TOP1MT: variants seen among roughly 807,000 people sequenced by gnomAD.
The protein encoded by TOP1MT is DNA topoisomerase I, mitochondrial.
In TOP1MT, 80 loss-of-function variants were observed where a neutral mutation model predicts 73.9. The observed-to-expected ratio is 1.08, with a 90% CI of 0.90 to 1.30. TOP1MT has a LOEUF of 1.30. Ranked by LOEUF, TOP1MT falls within the 50% of genes most tolerant of loss-of-function variation. The probability of loss-of-function intolerance (pLI) is 0.00; values close to 1 mark genes in which losing one functional copy is unlikely to be tolerated. For missense variants in TOP1MT, 815 were observed against 808.0 expected (o/e 1.01, Z -0.10); for synonymous variants, 338 against 326.4 (o/e 1.04, Z -0.38).
chr8:143,317,905 A>T (rs758902841), intron 9 of TOP1MT, 68 bp from the exon 10 acceptor site: 2 of 1,596,328 alleles, frequency 1.3e-6, no homozygotes, highest in Non-Finnish European at 1.7e-6. Context: ...CGCGGGAAGG[A>T]AAGGACATGT....
In TOP1MT at chr8:143,324,605, C is replaced by A. The variant is rs750427879; in HGVS notation, c.696G>T (p.Pro232=). ...GCACCTCCTTCCACTGGTGCCCCGCCGGCGGCTCGGGGATCTTCGAGTCCC... is the reference window on the plus strand; with the variant it reads ...GCACCTCCTTCCACTGGTGCCCCGCAGGCGGCTCGGGGATCTTCGAGTCCC... ...CSRDSKIPEP[P]AGHQWKEVRS... is the part of the protein sequence containing the mutation. The change falls in exon 6 of 14, where the codon CCG becomes CCT. Residue 232 remains proline (P), a synonymous_variant. Transcript: ENST00000329245. 117 of 1,613,420 alleles carry A rather than the reference C, an allele frequency of 7.3e-5. No homozygotes were observed. The Admixed American group carries it at 9.8e-4, about 14-fold the overall frequency.
chr8:143,318,822 G>A lies in TOP1MT; in HGVS notation c.1147-736C>T, dbSNP rs1021246014. Among the ~76,000 whole-genome samples, 6 of 152,124 alleles carry A rather than the reference G, an allele frequency of 3.9e-5. 1 individual carries two copies. The highest frequency in any genetic ancestry group is 3.9e-4 in the Admixed American group (6 of 15,280). On this transcript the variant is annotated intron_variant, in intron 8 of 13. Transcript: ENST00000329245. ...TACAAACCCACAGGCACCGGGACATGGCGGGAAGCCCCAGCCCACAGCTCC... is the reference window on the plus strand; with the variant it reads ...TACAAACCCACAGGCACCGGGACATAGCGGGAAGCCCCAGCCCACAGCTCC...
upstream of TOP1MT, among the ~76,000 whole-genome samples, chr8:143,336,911 C>T (rs901643695): frequency 1.3e-5 from 2 of 152,184 alleles, no homozygotes; most frequent in African/African-American, 2.4e-5. Context: ...AATATGCAAA[C>T]ATCAGTTGTA....
At chr8:143,347,897 G>A (rs1586784461), upstream of TOP1MT, among the ~76,000 whole-genome samples, 1 of 152,352 alleles carries the variant, frequency 6.6e-6, no homozygotes, top group African/African-American at 2.4e-5. Context: ...CTGGAGCTCA[G>A]CAGGCTCCTC....
intron 3 of TOP1MT, among the ~76,000 whole-genome samples, 180 bp downstream of exon 3, chr8:143,329,170 G>C (rs1192436190): frequency 6.6e-6 from 1 of 152,136 alleles, no homozygotes; most frequent in Non-Finnish European, 1.5e-5. Context: ...AGGAGGCCGA[G>C]ACAGGAGGAT....
intron 3 of TOP1MT, chr8:143,328,202 C>A (rs1332595937): frequency 2.2e-6 from 1 of 454,896 alleles, no homozygotes; most frequent in African/African-American, 2.0e-5. Flanking sequence ...CCATAAAAGA[C>A]AGATTGATAA....
chr8:143,339,112 T>C (rs1461730555), upstream of TOP1MT, among the ~76,000 whole-genome samples: 1 of 152,158 alleles, frequency 6.6e-6, no homozygotes, highest in Non-Finnish European at 1.5e-5. Flanking sequence ...ATGCAGGGAC[T>C]GCCCAGGTGG....
At chr8:143,335,978 C>A (rs1816975737), upstream of TOP1MT, among the ~76,000 whole-genome samples, 1 of 152,224 alleles carries the variant, frequency 6.6e-6, no homozygotes, top group Non-Finnish European at 1.5e-5. Context: ...TACACACACA[C>A]CAGGACACAG....
chr8:143,354,280 C>A (rs1817369940), intron 1 of TOP1MT, among the ~76,000 whole-genome samples: 1 of 151,950 alleles, frequency 6.6e-6, no homozygotes, highest in Non-Finnish European at 1.5e-5. Flanking sequence ...AAACACCTGA[C>A]ATGAAAGAAG....
At chr8:143,335,829 CA>C (rs1330318281), upstream of TOP1MT, among the ~76,000 whole-genome samples, 1 of 152,246 alleles carries the variant, frequency 6.6e-6, no homozygotes, top group East Asian at 1.9e-4. Flanking sequence ...CCCCTGCCAC[CA>C]ACTGACTCAG....
chr8:143,324,380 G>A, intron 6 of TOP1MT, 105 bp downstream of exon 6: 1 of 1,543,846 alleles, frequency 6.5e-7, no homozygotes, highest in Non-Finnish European at 8.8e-7. Flanking sequence ...CCGACTCCCA[G>A]CCCATCTCAG....
chr8:143,325,677 C>T (rs1407444854), intron 4 of TOP1MT, 144 bp from the exon 5 acceptor site: 7 of 765,830 alleles, frequency 9.1e-6, no homozygotes, highest in Non-Finnish European at 1.5e-5. Context: ...ATGGAGGTTG[C>T]AGGGGCAGGG....
At chr8:143,333,498 G>A (rs1816913655) in intron 1 of TOP1MT, among the ~76,000 whole-genome samples, 1 of 152,200 alleles carries the variant, frequency 6.6e-6, no homozygotes, top group South Asian at 2.1e-4. Context: ...GACCCTGACT[G>A]CCAAGTCCTT....
rs112672982 is a variant in TOP1MT at position 143,351,727 on chromosome 8, G to A, written c.-39+4238C>T. 2.0e-3 allele frequency among the ~76,000 whole-genome samples: 298 copies of A among 152,176 alleles called. 1 individual carries two copies. Among genetic ancestry groups the A allele is most frequent in the African/African-American group, 6.9e-3 (286 of 41,528 alleles). ...TAAAACATTGCCAGAAGAAATTAAA[G>A]ACACCCTAAATAAATGAACAGCTAT... is the stretch of plus-strand genomic sequence containing the variant. On this transcript the variant is annotated intron_variant, in intron 1 of 5. Coordinates refer to the TOP1MT transcript ENST00000518760.
At chr8:143,340,355 C>T (rs2980263) in intron 2 of TOP1MT, among the ~76,000 whole-genome samples, 15,075 of 148,988 alleles carry the variant, frequency 0.1, 2,925 homozygotes, top group African/African-American at 0.37. Flanking sequence ...CCCACCACCC[C>T]GTCAGGACAT....
chr8:143,314,159 G>A (rs72701705), intron 12 of TOP1MT, among the ~76,000 whole-genome samples: 221 of 152,228 alleles, frequency 1.5e-3, no homozygotes, highest in Admixed American at 2.7e-3. Context: ...TGGTGCCGCC[G>A]CCCTGGAGAA....
chr8:143,334,595 C>T (rs939928338), intron 1 of TOP1MT, 145 bp downstream of exon 1: 1 of 1,193,160 alleles, frequency 8.4e-7, no homozygotes, highest in Non-Finnish European at 1.1e-6. Context: ...CCGGTCACAC[C>T]GCGGCACGCA....
upstream of TOP1MT, among the ~76,000 whole-genome samples, chr8:143,347,218 G>A (rs897106149): frequency 6.6e-6 from 1 of 152,130 alleles, no homozygotes; most frequent in South Asian, 2.1e-4. Flanking sequence ...GCAGTGGCGC[G>A]ATCTCTGCTC....
At chr8:143,326,486 C>T in intron 3 of TOP1MT, 142 bp from the exon 4 acceptor site, 1 of 1,081,010 alleles carries the variant, frequency 9.3e-7, no homozygotes, top group Non-Finnish European at 1.3e-6. Flanking sequence ...TGCGCACGGT[C>T]CTGCGGCCCC....
Sources: gnomAD v4.1 joint callset for allele counts (sites outside exome capture counted in the v4.1 genomes callset) on GRCh38, gnomAD v4.1.1 for gene constraint, MANE v1.5 for transcripts, NCBI Gene and HGNC (gene_info 2026-07-23, HGNC 2026-07-21) for gene names.